Variants in MDGA2 observed in about 807,000 individuals in gnomAD.
The protein encoded by MDGA2 is MAM domain-containing glycosylphosphatidylinositol anchor protein 2.
Under a neutral mutation model 117.8 loss-of-function variants are expected in MDGA2, and 40 were observed. That is an observed-to-expected ratio of 0.34 (90% CI 0.26 to 0.44). MDGA2 has a LOEUF of 0.44. MDGA2 is among the 20% of genes least tolerant of loss of function. MDGA2 has a pLI of 1.00. For missense variants in MDGA2, 1,123 were observed against 1,250.6 expected (o/e 0.90, Z 1.54); for synonymous variants, 452 against 439.0 (o/e 1.03, Z -0.37).
intron 5 of MDGA2, among the ~76,000 whole-genome samples, chr14:47,128,769 A>T (rs1882034898): frequency 6.8e-6 from 1 of 147,892 alleles, no homozygotes; most frequent in Admixed American, 6.8e-5. Flanking sequence ...ATCTCAGCTC[A>T]CTGCAACCTC....
intron 1 of MDGA2, among the ~76,000 whole-genome samples, chr14:47,452,221 G>A (rs1319014814): frequency 6.6e-6 from 1 of 151,966 alleles, no homozygotes; most frequent in East Asian, 1.9e-4. Flanking sequence ...GCATGATGTA[G>A]ACATTCAAAA....
At chr14:47,154,194 T>A (rs553168243) in intron 3 of MDGA2, among the ~76,000 whole-genome samples, 1 of 152,328 alleles carries the variant, frequency 6.6e-6, no homozygotes, top group East Asian at 1.9e-4. Flanking sequence ...ATTCCTAGGA[T>A]AAAATAAAAC....
At chr14:47,138,663 T>G (rs148193429) in intron 4 of MDGA2, among the ~76,000 whole-genome samples, 1 of 152,230 alleles carries the variant, frequency 6.6e-6, no homozygotes, top group East Asian at 1.9e-4. Flanking sequence ...ATTTCCATAT[T>G]ACTTATAAAA....
intron 1 of MDGA2, among the ~76,000 whole-genome samples, chr14:47,665,806 GC>G (rs1402277632): frequency 1.7e-4 from 3 of 17,712 alleles, no homozygotes; most frequent in Non-Finnish European, 2.6e-4. Flanking sequence ...CCCCTCCCTC[GC>G]CCCCCCTCCC....
Position 47,638,659 on chromosome 14 carries a change from T to C in MDGA2, c.280+35858A>G, listed in dbSNP as rs546425836. ...CTCTACTTTCAAAATGCATCATGAA[T>C]CTTTGCATCATCTCCTACCCTAGTC... On this transcript the variant is annotated intron_variant, in intron 1 of 16. Transcript: ENST00000399232. Among the ~76,000 whole-genome samples the C allele has an allele frequency of 2.0e-5, 3 of 152,268 alleles. No individual in the cohort carries two copies. In the South Asian group the frequency reaches 6.2e-4, roughly 32 times the overall value.
At chr14:47,157,772 G>T (rs759229194) in intron 3 of MDGA2, among the ~76,000 whole-genome samples, 5 of 151,906 alleles carry the variant, frequency 3.3e-5, no homozygotes, top group African/African-American at 4.8e-5. Context: ...CGCTATTCTC[G>T]TGATAATAAG....
chr14:47,013,537 A>G (rs1036933772), intron 8 of MDGA2, among the ~76,000 whole-genome samples: 10 of 151,902 alleles, frequency 6.6e-5, no homozygotes, highest in Admixed American at 1.3e-4. Context: ...TAATGTTTAT[A>G]TTTTGACCTC....
At chr14:47,438,674 T>C (rs1009017513) in intron 1 of MDGA2, among the ~76,000 whole-genome samples, 6 of 152,118 alleles carry the variant, frequency 3.9e-5, no homozygotes, top group South Asian at 2.1e-4. Context: ...ATGTCAGCAA[T>C]GCAAAAAGCA....
chr14:47,323,501 G>T (rs537153731), intron 1 of MDGA2, among the ~76,000 whole-genome samples: 1 of 151,940 alleles, frequency 6.6e-6, no homozygotes, highest in South Asian at 2.1e-4. Flanking sequence ...GCATGGTGGT[G>T]CAGGCCTGTA....
intron 1 of MDGA2, among the ~76,000 whole-genome samples, chr14:47,613,096 T>C (rs569969079): frequency 2.0e-5 from 3 of 152,204 alleles, no homozygotes; most frequent in Non-Finnish European, 4.4e-5. Flanking sequence ...ATCATTGTTA[T>C]AGTTTTCTCA....
chr14:47,328,968 A>G lies in MDGA2; in HGVS notation c.281-27418T>C, dbSNP rs188237834. The stretch of plus-strand genomic sequence containing the variant: ...TACAGTAAATAGAGCAGGAGTCACA[A>G]AATTTTTAACTAGTTCTTGCTTTTA... On this transcript the variant is annotated intron_variant, in intron 1 of 16. Coordinates refer to ENST00000399232, the MANE Select transcript of MDGA2 (RefSeq NM_001113498.3). 9.2e-5 allele frequency among the ~76,000 whole-genome samples: 14 copies of G among 152,316 alleles called. No individual in the cohort carries two copies. In the East Asian group the frequency reaches 2.5e-3, roughly 27 times the overall value.
At chr14:47,578,659 T>G (rs1016056110) in intron 1 of MDGA2, among the ~76,000 whole-genome samples, 3 of 152,182 alleles carry the variant, frequency 2.0e-5, no homozygotes, top group Non-Finnish European at 4.4e-5. Context: ...ATTTTTCTTT[T>G]TAATTCATCC....
chr14:47,178,972 G>T (rs193260536), intron 3 of MDGA2, among the ~76,000 whole-genome samples: 1 of 152,186 alleles, frequency 6.6e-6, no homozygotes, highest in African/African-American at 2.4e-5. Flanking sequence ...CCATTAGAGA[G>T]ACATATGGGA....
chr14:47,260,819 G>C lies in MDGA2; in HGVS notation c.420+40592C>G, dbSNP rs545488469. Among the ~76,000 whole-genome samples, 8 of 152,056 alleles carry C rather than the reference G, an allele frequency of 5.3e-5. No homozygotes were observed. In the East Asian group the frequency reaches 1.5e-3, roughly 29 times the overall value. ...CATTTTCAGGATACCTTTGTAATAT[G>C]TATCCCCTTTGTACATAGTACGTTG... On this transcript the variant is annotated intron_variant, in intron 2 of 16. Coordinates refer to ENST00000399232, the MANE Select transcript of MDGA2 (RefSeq NM_001113498.3).
intron 3 of MDGA2, among the ~76,000 whole-genome samples, chr14:47,170,062 A>C (rs955623429): frequency 6.6e-6 from 1 of 152,146 alleles, no homozygotes; most frequent in African/African-American, 2.4e-5. Context: ...CTATACTGTC[A>C]ATCACCAGAA....
At chr14:47,516,666 AC>A (rs1894758097) in intron 1 of MDGA2, among the ~76,000 whole-genome samples, 1 of 152,164 alleles carries the variant, frequency 6.6e-6, no homozygotes, top group African/African-American at 2.4e-5. Flanking sequence ...TGGGAAGCTG[AC>A]CTGGACATTG....
chr14:47,390,346 A>G (rs1891865639), intron 1 of MDGA2, among the ~76,000 whole-genome samples: 1 of 151,794 alleles, frequency 6.6e-6, no homozygotes, highest in Non-Finnish European at 1.5e-5. Context: ...AAATGGAATC[A>G]TCAGGGAAGA....
chr14:47,575,614 C>T (rs143224906), intron 1 of MDGA2, among the ~76,000 whole-genome samples: 7 of 152,242 alleles, frequency 4.6e-5, no homozygotes, highest in Admixed American at 6.5e-5. Context: ...GAAAATAAAA[C>T]TTTGGATGTT....
chr14:47,391,457 T>G (rs1168641951), intron 1 of MDGA2, among the ~76,000 whole-genome samples: 1 of 152,020 alleles, frequency 6.6e-6, no homozygotes, highest in African/African-American at 2.4e-5. Flanking sequence ...TTTGAGGGAG[T>G]GAAAGTCAGA....
Sources: gnomAD v4.1 joint callset for allele counts (sites outside exome capture counted in the v4.1 genomes callset) on GRCh38, gnomAD v4.1.1 for gene constraint, MANE v1.5 for transcripts, NCBI Gene and HGNC (gene_info 2026-07-23, HGNC 2026-07-21) for gene names.